CMSS1: variants seen among roughly 807,000 people sequenced by gnomAD.
The protein encoded by CMSS1 is cms1 ribosomal small subunit homolog.
In CMSS1, 33 loss-of-function variants were observed where a neutral mutation model predicts 43.5. That is an observed-to-expected ratio of 0.76 (90% CI 0.57 to 1.01). The LOEUF is 1.01. Among genes scored for constraint, CMSS1 ranks in the 50% least tolerant of loss-of-function variants. The pLI, the probability that CMSS1 is intolerant of heterozygous loss-of-function variation, is 0.00. For synonymous variants in CMSS1, 115 were observed against 117.2 expected, an observed-to-expected ratio of 0.98 and a Z score of 0.12; for missense variants, 313 against 326.4, an observed-to-expected ratio of 0.96 and a Z score of 0.32.
chr3:100,117,832 T>TATATATATATATATATATATATAC, intron 1 of CMSS1, among the ~76,000 whole-genome samples: 1 of 90,376 alleles, frequency 1.1e-5, no homozygotes, highest in Non-Finnish European at 2.2e-5. Flanking sequence ...GCAGTATATA[T>TATATATATATATATATATATATAC]ATATATATAT....
intron 1 of CMSS1, among the ~76,000 whole-genome samples, chr3:99,920,670 C>T (rs1707097041): frequency 1.3e-5 from 2 of 152,164 alleles, no homozygotes; most frequent in Admixed American, 1.3e-4. Flanking sequence ...CCCCCACCCA[C>T]CCTCAGTGGG....
chr3:99,849,044 T>C (rs1943517514), intron 1 of CMSS1: 1 of 1,614,144 alleles, frequency 6.2e-7, no homozygotes, highest in East Asian at 2.2e-5. Flanking sequence ...TTAGTTTGCA[T>C]TTTTCCATTC....
At chr3:100,114,961 G>T in intron 1 of CMSS1, 1 of 1,535,944 alleles carries the variant, frequency 6.5e-7, no homozygotes, top group Non-Finnish European at 8.7e-7. Flanking sequence ...AGGGCAAAGT[G>T]CTGAGGAAAC....
chr3:100,064,800 G>T (rs1222255145), intron 1 of CMSS1, among the ~76,000 whole-genome samples: 2 of 151,392 alleles, frequency 1.3e-5, no homozygotes, highest in Non-Finnish European at 2.9e-5. Context: ...TTGACAAACA[G>T]CTAATTTTTT....
intron 1 of CMSS1, among the ~76,000 whole-genome samples, chr3:100,081,473 C>T (rs2065930859): frequency 2.0e-5 from 3 of 152,160 alleles, no homozygotes; most frequent in Admixed American, 2.0e-4. Context: ...TTATACTTGA[C>T]AACCCTTATC....
In CMSS1 at chr3:100,084,531, G is replaced by A. The variant is rs144622495; in HGVS notation, c.65-62442G>A. 3.1e-3 allele frequency among the ~76,000 whole-genome samples: 467 copies of A among 152,208 alleles called. 3 individuals carry two copies. The highest frequency in any genetic ancestry group is 0.01 in the African/African-American group (423 of 41,532). On this transcript the variant is annotated intron_variant, in intron 1 of 9. Coordinates refer to ENST00000421999, the MANE Select transcript of CMSS1 (RefSeq NM_032359.4). ...TTTAAAAGGAACAGCCACTAAAAAC[G>A]GGAAAACAATACAGTGTTATGGGAA...
chr3:100,177,945 C>G (rs1049966083), intron 9 of CMSS1, among the ~76,000 whole-genome samples: 2 of 152,096 alleles, frequency 1.3e-5, no homozygotes, highest in African/African-American at 2.4e-5. Context: ...ATGGCAAAAC[C>G]CTGTCTCTAC....
intron 4 of CMSS1, among the ~76,000 whole-genome samples, chr3:100,165,928 A>G (rs1272577963): frequency 6.6e-6 from 1 of 152,244 alleles, no homozygotes; most frequent in Non-Finnish European, 1.5e-5. Flanking sequence ...AATAGTTGCC[A>G]TTCTAATGAG....
At chr3:99,878,487 T>C (rs966650577) in intron 1 of CMSS1, among the ~76,000 whole-genome samples, 3 of 152,246 alleles carry the variant, frequency 2.0e-5, no homozygotes, top group Admixed American at 1.3e-4. Flanking sequence ...ATAGCCTTCT[T>C]CTACATAAAT....
intron 1 of CMSS1, among the ~76,000 whole-genome samples, chr3:99,968,429 G>GAAAA (rs1201793323): frequency 6.7e-6 from 1 of 148,540 alleles, no homozygotes; most frequent in African/African-American, 2.5e-5. Context: ...GTTTTTGGGG[G>GAAAA]AAAAAAAAAA....
intron 1 of CMSS1, among the ~76,000 whole-genome samples, chr3:99,978,555 A>G (rs190154393): frequency 2.6e-5 from 4 of 152,206 alleles, no homozygotes; most frequent in Non-Finnish European, 5.9e-5. Context: ...AACACACCAC[A>G]TATTCTCATT....
chr3:99,964,767 C>T (rs989161939), intron 1 of CMSS1, among the ~76,000 whole-genome samples: 3 of 152,132 alleles, frequency 2.0e-5, no homozygotes, highest in Non-Finnish European at 4.4e-5. Context: ...CCCTAGGAGA[C>T]TAATGCCCAG....
chr3:99,871,890 C>T (rs1385146264), intron 1 of CMSS1, among the ~76,000 whole-genome samples: 2 of 152,130 alleles, frequency 1.3e-5, no homozygotes, highest in African/African-American at 2.4e-5. Flanking sequence ...CACCTCCCTT[C>T]TGTTGTTGTA....
At chr3:99,910,838 A>G (rs1426232604) in intron 1 of CMSS1, among the ~76,000 whole-genome samples, 1 of 152,166 alleles carries the variant, frequency 6.6e-6, no homozygotes, top group Non-Finnish European at 1.5e-5. Context: ...ATTTTTTTTA[A>G]TGTTGCCCAA....
intron 1 of CMSS1, among the ~76,000 whole-genome samples, chr3:99,905,431 G>T (rs1706583182): frequency 6.6e-6 from 1 of 152,052 alleles, no homozygotes; most frequent in Non-Finnish European, 1.5e-5. Context: ...TTGTCATCAG[G>T]GCCCACAGCA....
chr3:100,168,820 A>AAAAGAAT (rs1415786981), intron 6 of CMSS1, among the ~76,000 whole-genome samples: 1 of 151,528 alleles, frequency 6.6e-6, no homozygotes, highest in Non-Finnish European at 1.5e-5. Flanking sequence ...GAAATTCTGA[A>AAAAGAAT]AAAGAATACT....
chr3:99,845,490 A>C (rs1260911706), intron 1 of CMSS1, among the ~76,000 whole-genome samples: 1 of 151,974 alleles, frequency 6.6e-6, no homozygotes, highest in African/African-American at 2.4e-5. Context: ...CTCCACCCCC[A>C]CATATTTCAT....
chr3:99,945,587 A>G (rs1270728118), intron 1 of CMSS1, among the ~76,000 whole-genome samples: 1 of 152,198 alleles, frequency 6.6e-6, no homozygotes, highest in East Asian at 1.9e-4. Context: ...GTTGCTTTGG[A>G]TGTTTTAGCA....
chr3:99,962,430 G>A (rs1000303407), intron 1 of CMSS1, among the ~76,000 whole-genome samples: 5 of 152,070 alleles, frequency 3.3e-5, no homozygotes, highest in Non-Finnish European at 7.4e-5. Flanking sequence ...GGAATATTTT[G>A]TATATTATCT....
Sources: gnomAD v4.1 joint callset for allele counts (sites outside exome capture counted in the v4.1 genomes callset) on GRCh38, gnomAD v4.1.1 for gene constraint, MANE v1.5 for transcripts, NCBI Gene and HGNC (gene_info 2026-07-23, HGNC 2026-07-21) for gene names.